STX18: variants seen among roughly 807,000 people sequenced by gnomAD.
STX18 encodes syntaxin 18, also known as syntaxin-18.
In STX18, 40 loss-of-function variants were observed where a neutral mutation model predicts 50.1. The ratio of observed to expected loss-of-function variants is 0.80; its 90% confidence interval spans 0.62 to 1.04. STX18 has a LOEUF of 1.04. STX18 is among the 50% of genes least tolerant of loss of function. The pLI, the probability that STX18 is intolerant of heterozygous loss-of-function variation, is 0.00. For synonymous variants in STX18, 158 were observed against 151.8 expected (o/e 1.04, Z -0.30); for missense variants, 410 against 415.8 (o/e 0.99, Z 0.12).
intron 1 of STX18, among the ~76,000 whole-genome samples, chr4:4,504,554 T>C (rs1259431438): frequency 1.3e-5 from 2 of 152,120 alleles, no homozygotes; most frequent in Non-Finnish European, 2.9e-5. Context: ...AGAGAAAATA[T>C]TTGCAAATTA....
At chr4:4,476,978 T>A (rs946456549) in intron 1 of STX18, among the ~76,000 whole-genome samples, 2 of 151,936 alleles carry the variant, frequency 1.3e-5, no homozygotes, top group Non-Finnish European at 2.9e-5. Flanking sequence ...GGCGGGCGGG[T>A]CACCTGAGGT....
intron 1 of STX18, among the ~76,000 whole-genome samples, chr4:4,484,503 A>G (rs766879081): frequency 6.6e-6 from 1 of 152,186 alleles, no homozygotes; most frequent in Non-Finnish European, 1.5e-5. Flanking sequence ...TGCAATTCTG[A>G]TCATTATGCC....
In STX18 at chr4:4,459,361, G is replaced by C. The variant is rs772677254; in HGVS notation, c.352+11C>G. On this transcript the variant is annotated intron_variant, in intron 3 of 10. Coordinates refer to ENST00000306200, the MANE Select transcript of STX18 (RefSeq NM_016930.4). Reference sequence around the variant, plus strand: ...CATGGTTGCTTGTTTGCATCTTTCAGAGCACTTTACCTTCTGTTCGTAGTT... The same window carrying C: ...CATGGTTGCTTGTTTGCATCTTTCACAGCACTTTACCTTCTGTTCGTAGTT... 33 of 1,601,036 alleles carry C rather than the reference G, an allele frequency of 2.1e-5. No homozygotes were observed.
chr4:4,526,236 T>C (rs1355423718), intron 1 of STX18, among the ~76,000 whole-genome samples: 2 of 152,178 alleles, frequency 1.3e-5, no homozygotes, highest in Non-Finnish European at 2.9e-5. Context: ...CACAAGATGG[T>C]AGGAGTCTGA....
At chr4:4,447,953 T>TGTACAAGGGACTTAGCAGG (rs1378000735) in intron 5 of STX18, among the ~76,000 whole-genome samples, 281 of 152,316 alleles carry the variant, frequency 1.8e-3, no homozygotes, top group African/African-American at 6.5e-3. Flanking sequence ...TTGTACAATC[T>TGTACAAGGGACTTAGCAGG]GTACAAGGGA....
intron 1 of STX18, among the ~76,000 whole-genome samples, chr4:4,477,090 C>T (rs1560183781): frequency 6.6e-6 from 1 of 151,496 alleles, no homozygotes; most frequent in African/African-American, 2.4e-5. Context: ...CAAAACAAAA[C>T]AAAAAAACTA....
intron 5 of STX18, among the ~76,000 whole-genome samples, chr4:4,444,633 T>C (rs901958449): frequency 3.9e-5 from 6 of 152,256 alleles, no homozygotes; most frequent in African/African-American, 1.2e-4. Context: ...GCTTTGGTGA[T>C]TTTAATCTGT....
At chr4:4,507,104 G>A (rs756290164) in intron 1 of STX18, 52 of 548,388 alleles carry the variant, frequency 9.5e-5, no homozygotes, top group African/African-American at 4.1e-4. Flanking sequence ...CGCCAAGATC[G>A]TGAAGCCCAA....
chr4:4,434,234 A>G (rs1428032234), intron 7 of STX18, among the ~76,000 whole-genome samples: 1 of 152,212 alleles, frequency 6.6e-6, no homozygotes, highest in African/African-American at 2.4e-5. Context: ...GATGAGCTGC[A>G]CACAGACATT....
rs16835833 is a variant in STX18, at chr4:4,523,833, G to A, written c.168+17964C>T. 5.6e-3 allele frequency among the ~76,000 whole-genome samples: 858 copies of A among 152,068 alleles called. 5 individuals carry two copies. The highest frequency in any genetic ancestry group is 0.02 in the African/African-American group (820 of 41,480). ...TCCCCTACTGAAAACTTTTTCTAGT[G>A]CACCATGGCCTTCGAGATAATGCCA... On this transcript the variant is annotated intron_variant, in intron 1 of 10. Coordinates refer to ENST00000306200, the MANE Select transcript of STX18 (RefSeq NM_016930.4).
At chr4:4,507,322 A>C (rs1053795452) in intron 1 of STX18, 4 of 735,512 alleles carry the variant, frequency 5.4e-6, no homozygotes, top group Non-Finnish European at 1.0e-5. Flanking sequence ...GGCTCAGCTC[A>C]CAGAGCTGAA....
At chr4:4,472,614 T>C (rs1727978331) in intron 1 of STX18, among the ~76,000 whole-genome samples, 1 of 152,234 alleles carries the variant, frequency 6.6e-6, no homozygotes, top group Non-Finnish European at 1.5e-5. Flanking sequence ...TTAAAAGGAC[T>C]TCTGCACACC....
At chr4:4,512,323 T>C (rs188933054) in intron 1 of STX18, among the ~76,000 whole-genome samples, 2 of 152,098 alleles carry the variant, frequency 1.3e-5, no homozygotes, top group Non-Finnish European at 2.9e-5. Context: ...TAATTCTTTT[T>C]CCTAATTCCA....
intron 5 of STX18, among the ~76,000 whole-genome samples, chr4:4,445,530 T>C (rs1475822540): frequency 2.0e-5 from 3 of 152,132 alleles, no homozygotes; most frequent in Non-Finnish European, 4.4e-5. Context: ...ATTGTATTTC[T>C]ATATACTAGC....
At chr4:4,490,906 T>C (rs1208074526) in intron 1 of STX18, among the ~76,000 whole-genome samples, 4 of 152,166 alleles carry the variant, frequency 2.6e-5, no homozygotes, top group African/African-American at 9.7e-5. Flanking sequence ...AATCATGACA[T>C]TTCCAAACTT....
intron 1 of STX18, among the ~76,000 whole-genome samples, chr4:4,527,790 T>TTATA (rs58884437): frequency 1.4e-5 from 2 of 145,108 alleles, no homozygotes; most frequent in African/African-American, 5.1e-5. Flanking sequence ...ATATATAATT[T>TTATA]TATATATATA....
In STX18 at chr4:4,507,029, A is replaced by C. The variant is rs898938824; in HGVS notation, c.168+34768T>G. The C allele has an allele frequency of 9.6e-6, 4 of 418,760 alleles. No individual in the cohort carries two copies. The Admixed American group carries it at 1.2e-4, about 13-fold the overall frequency. The allele number at this position is 418,760 out of a possible 1,614,324, so 25.9% of individuals were successfully genotyped here. On this transcript the variant is annotated intron_variant, in intron 1 of 10. Transcript: ENST00000306200. ...TATGCTAATCTACAAATAACACTTAAATTTTTAAAAAGCAGCTCTTCCTAA... is the reference window on the plus strand; with the variant it reads ...TATGCTAATCTACAAATAACACTTACATTTTTAAAAAGCAGCTCTTCCTAA...
chr4:4,462,437 T>C (rs149510915), intron 2 of STX18, among the ~76,000 whole-genome samples: 1 of 152,354 alleles, frequency 6.6e-6, no homozygotes, highest in African/African-American at 2.4e-5. Flanking sequence ...GGATTGGGAC[T>C]GGAACTTAGG....
intron 5 of STX18, among the ~76,000 whole-genome samples, chr4:4,445,511 C>T (rs1210089266): frequency 6.6e-6 from 1 of 151,406 alleles, no homozygotes; most frequent in Non-Finnish European, 1.5e-5. Flanking sequence ...GGTCAATATA[C>T]AAAAATTAAT....
Sources: allele counts gnomAD v4.1 joint callset (sites outside exome capture counted in the v4.1 genomes callset), GRCh38; gene constraint gnomAD v4.1.1; transcripts MANE v1.5; gene names NCBI Gene and HGNC (gene_info 2026-07-23, HGNC 2026-07-21).